Variants in MEGF11 observed in about 807,000 individuals in gnomAD.
MEGF11 encodes the protein multiple epidermal growth factor-like domains protein 11.
A neutral mutation model predicts 146.6 loss-of-function variants in MEGF11; 126 were observed. That is an observed-to-expected ratio of 0.86 (90% CI 0.74 to 1.00). The LOEUF (loss-of-function observed/expected upper bound fraction) is 1.00. Ranked by LOEUF, MEGF11 falls within the 50% of genes least tolerant of loss-of-function variation. The probability of loss-of-function intolerance (pLI) is 0.00; values close to 1 mark genes in which losing one functional copy is unlikely to be tolerated. For synonymous variants in MEGF11, 532 were observed against 583.4 expected (o/e 0.91, Z 1.27); for missense variants, 1,509 against 1,521.2 (o/e 0.99, Z 0.13).
At chr15:66,036,279 T>G (rs1418208663) in intron 5 of MEGF11, among the ~76,000 whole-genome samples, 5 of 152,198 alleles carry the variant, frequency 3.3e-5, no homozygotes. Flanking sequence ...GCTTTCCTCT[T>G]CTCTATCCTT....
At position 65,978,796 on chromosome 15, in the gene MEGF11, A is replaced by G. The variant is rs145512367; in HGVS notation, c.762+1982T>C. Among the ~76,000 whole-genome samples the G allele has an allele frequency of 3.9e-4, 60 of 152,290 alleles. No homozygotes were observed. The South Asian group carries it at 6.2e-3, about 16-fold the overall frequency. On this transcript the variant is annotated intron_variant, in intron 7 of 25. Coordinates refer to ENST00000395614, the MANE Select transcript of MEGF11 (RefSeq NM_001385028.1). ...TTCCTCAGAGGAGACAGACAGATGG[A>G]CAGACAGACACCAAGGGCTGGGAGT...
At chr15:66,203,259 G>A (rs2091215233) in intron 1 of MEGF11, among the ~76,000 whole-genome samples, 3 of 152,200 alleles carry the variant, frequency 2.0e-5, no homozygotes, top group Non-Finnish European at 2.9e-5. Context: ...CACTGATTCC[G>A]AGGGCCCGCC....
chr15:66,155,626 C>T (rs186930404), intron 1 of MEGF11, among the ~76,000 whole-genome samples: 11 of 152,320 alleles, frequency 7.2e-5, no homozygotes, highest in Admixed American at 1.3e-4. Flanking sequence ...ATAGAAACCT[C>T]GATTTAACAT....
chr15:66,249,137 A>G (rs2092336853), intron 1 of MEGF11, among the ~76,000 whole-genome samples: 1 of 152,230 alleles, frequency 6.6e-6, no homozygotes. Context: ...AGAGTTTCAA[A>G]ACATTTTGAG....
At chr15:66,031,285 A>T (rs2083508332) in intron 5 of MEGF11, among the ~76,000 whole-genome samples, 1 of 152,190 alleles carries the variant, frequency 6.6e-6, no homozygotes, top group South Asian at 2.1e-4. Flanking sequence ...AGATTTGCTC[A>T]TTGGCACACA....
chr15:65,994,439 C>A (rs911416966), intron 5 of MEGF11, among the ~76,000 whole-genome samples: 1 of 152,168 alleles, frequency 6.6e-6, no homozygotes, highest in Non-Finnish European at 1.5e-5. Context: ...GGTGGGCCCA[C>A]GGAGCATTTT....
chr15:66,015,983 G>T (rs1567202808), intron 5 of MEGF11, among the ~76,000 whole-genome samples: 1 of 151,922 alleles, frequency 6.6e-6, no homozygotes, highest in African/African-American at 2.4e-5. Flanking sequence ...TACTTGGGGT[G>T]GGTGGGTAGG....
At chr15:66,070,223 G>A (rs1336974259) in intron 5 of MEGF11, among the ~76,000 whole-genome samples, 2 of 152,188 alleles carry the variant, frequency 1.3e-5, no homozygotes, top group Non-Finnish European at 2.9e-5. Flanking sequence ...CGGAGATGTC[G>A]GTTTTAGAAA....
chr15:66,064,697 T>C (rs60696232), intron 5 of MEGF11, among the ~76,000 whole-genome samples: 885 of 48,672 alleles, frequency 0.018, 14 homozygotes, highest in African/African-American at 0.027. Flanking sequence ...TGTATTTTTT[T>C]TCTTTTTTTT....
intron 1 of MEGF11, among the ~76,000 whole-genome samples, chr15:66,212,491 C>T (rs1333835851): frequency 6.6e-6 from 1 of 152,118 alleles, no homozygotes; most frequent in East Asian, 1.9e-4. Flanking sequence ...AAGGAGGCTT[C>T]TCCTCCTAGC....
chr15:66,049,679 A>G (rs897783577), intron 5 of MEGF11, among the ~76,000 whole-genome samples: 4 of 152,168 alleles, frequency 2.6e-5, no homozygotes, highest in African/African-American at 9.7e-5. Context: ...TTCCAGATGC[A>G]TCTGTTGTTG....
chr15:66,066,053 A>G lies in MEGF11; in HGVS notation c.394+28349T>C, dbSNP rs552708958. 3.5e-3 allele frequency among the ~76,000 whole-genome samples: 536 copies of G among 152,336 alleles called. 3 individuals carry two copies. Among genetic ancestry groups the G allele is most frequent in the African/African-American group, 0.012 (515 of 41,576 alleles). On this transcript the variant is annotated intron_variant, in intron 5 of 25. Coordinates refer to ENST00000395614, the MANE Select transcript of MEGF11 (RefSeq NM_001385028.1). ...TCTCCCAGTTCATATGGCTCTGAAC[A>G]GGGACCCAAATGGACAGCAAATTTG...
chr15:66,252,173 C>T (rs914965167), intron 1 of MEGF11, among the ~76,000 whole-genome samples: 2 of 152,240 alleles, frequency 1.3e-5, no homozygotes, highest in Non-Finnish European at 2.9e-5. Flanking sequence ...TGGGACTGAG[C>T]CCCCGGCAGG....
intron 16 of MEGF11, among the ~76,000 whole-genome samples, chr15:65,917,184 CT>C (rs1472858222): frequency 6.6e-6 from 1 of 152,194 alleles, no homozygotes; most frequent in African/African-American, 2.4e-5. Flanking sequence ...CTCTCCAAGT[CT>C]TTGATGACTG....
At chr15:66,032,820 GA>G (rs1425603074) in intron 5 of MEGF11, among the ~76,000 whole-genome samples, 1 of 152,224 alleles carries the variant, frequency 6.6e-6, no homozygotes, top group Non-Finnish European at 1.5e-5. Flanking sequence ...AGGATTTAAA[GA>G]CAGAATTTAT....
intron 15 of MEGF11, among the ~76,000 whole-genome samples, chr15:65,921,476 G>A (rs907853575): frequency 6.6e-6 from 1 of 152,190 alleles, no homozygotes; most frequent in Non-Finnish European, 1.5e-5. Flanking sequence ...TACACAGAAT[G>A]CTTTTCTTCC....
rs1372488435 is a variant in MEGF11 at position 65,982,381 on chromosome 15, G to A, written c.502C>T (p.Arg168Cys). 33 of 1,532,536 alleles carry A rather than the reference G, an allele frequency of 2.2e-5. No individual in the cohort carries two copies. The highest frequency in any genetic ancestry group is 2.5e-5 in the Non-Finnish European group (28 of 1,141,818). The allele number at this position is 1,532,536 out of a possible 1,614,324, so 94.9% of individuals were successfully genotyped here. The change falls in exon 6 of 26, where the codon CGT becomes TGT. Residue 168 changes from arginine (R) to cysteine (C), a missense_variant. Arg to Cys is a radical substitution (Grantham distance 180). Coordinates refer to ENST00000395614, the MANE Select transcript of MEGF11 (RefSeq NM_001385028.1). This position sits in a 1 kb window ranked among gnomAD's most constrained non-coding sequence, Gnocchi z 5.6. ...CAGAGCTCCTCGCAGCGCCATCCAC[G>A]GAAGCCGGCGGCGCACACGCAGGCG... ...TGACVCAAGF[R>C]GWRCEELCAP...
rs569307695 is a variant in MEGF11 at position 66,042,998 on chromosome 15, ACT to A, written c.394+51402_394+51403del. ...AGCCTGTAACAGGGAATGTCTCAAAACTCTGAGGGGCTGTCTCAATCCTTCCG... is the reference window on the plus strand; with the variant it reads ...AGCCTGTAACAGGGAATGTCTCAAAACTGAGGGGCTGTCTCAATCCTTCCG... On this transcript the variant is annotated intron_variant, in intron 5 of 25. Coordinates refer to ENST00000395614, the MANE Select transcript of MEGF11 (RefSeq NM_001385028.1). 6.6e-3 allele frequency among the ~76,000 whole-genome samples: 999 copies of A among 152,256 alleles called. 3 individuals carry two copies. Among genetic ancestry groups the A allele is most frequent in the Non-Finnish European group, 8.2e-3 (560 of 68,026 alleles).
chr15:66,020,536 T>G (rs996234783), intron 5 of MEGF11, among the ~76,000 whole-genome samples: 1 of 152,192 alleles, frequency 6.6e-6, no homozygotes, highest in Non-Finnish European at 1.5e-5. Flanking sequence ...CAATAAAAAG[T>G]ATTGTTTAAT....
Sources: gnomAD v4.1 joint callset for allele counts (sites outside exome capture counted in the v4.1 genomes callset) on GRCh38, gnomAD v4.1.1 for gene constraint, Gnocchi (gnomAD v3.1) non-coding constraint, MANE v1.5 for transcripts, NCBI Gene and HGNC (gene_info 2026-07-23, HGNC 2026-07-21) for gene names.